The following GALNT6 variants were observed in gnomAD, a reference collection of about 807,000 sequenced individuals.
GALNT6 encodes the protein GalNAc transferase 6.
Under a neutral mutation model 65.9 loss-of-function variants are expected in GALNT6, and 51 were observed. That is an observed-to-expected ratio of 0.77 (90% CI 0.62 to 0.98). The LOEUF is 0.98. GALNT6 is among the 50% of genes least tolerant of loss of function. GALNT6 has a pLI of 0.00. For missense variants in GALNT6, 708 were observed against 803.3 expected, an observed-to-expected ratio of 0.88 and a Z score of 1.43; for synonymous variants, 323 against 315.1, an observed-to-expected ratio of 1.02 and a Z score of -0.26.
intron 4 of GALNT6, among the ~76,000 whole-genome samples, chr12:51,370,129 A>G (rs1407422681): frequency 6.6e-6 from 1 of 152,238 alleles, no homozygotes; most frequent in Admixed American, 6.5e-5. Context: ...TTTGCACACC[A>G]ATGTTCACAG....
intron 2 of GALNT6, among the ~76,000 whole-genome samples, chr12:51,381,827 A>G (rs1465520396): frequency 2.0e-5 from 3 of 152,272 alleles, no homozygotes; most frequent in African/African-American, 4.8e-5. Flanking sequence ...TATTATTATG[A>G]TAAATCCCTG....
At position 51,359,349 on chromosome 12, in the gene GALNT6, C is replaced by A; in HGVS notation, c.1168-17G>T. 13 of 1,575,228 alleles carry A rather than the reference C, an allele frequency of 8.3e-6. No individual in the cohort carries two copies. Among genetic ancestry groups the A allele is most frequent in the Non-Finnish European group, 1.1e-5 (13 of 1,152,108 alleles). On this transcript the variant is annotated splice_polypyrimidine_tract_variant and intron_variant, in intron 7 of 11. Transcript: ENST00000356317. ...CTGCCACACCTGATGTAAGAGGAGA[C>A]AGGATGAGGCCTTCAGTGGGCTAGG...
In GALNT6 at chr12:51,379,616, G is replaced by A. The variant is rs1402982187; in HGVS notation, c.166C>T (p.Leu56Phe). Residue 56 changes from leucine (L) to phenylalanine (F), a missense_variant, in exon 3 of 12, where the codon CTC becomes TTC. By Grantham distance (22) the Leu-to-Phe change is conservative (BLOSUM62 0). Transcript: ENST00000356317. ...LVSRKDHVLD[L>F]MLEAMNNLRD... ...AGGTTGTTCATGGCCTCCAGCATGA[G>A]GTCCAGGACGTGATCCTTCCGGCTC... 2 of 1,614,058 alleles carry A rather than the reference G, an allele frequency of 1.2e-6. No individual in the cohort carries two copies. The highest frequency in any genetic ancestry group is 1.7e-6 in the Non-Finnish European group (2 of 1,179,936).
chr12:51,390,504 T>C (rs1948032009), intron 2 of GALNT6, among the ~76,000 whole-genome samples: 1 of 152,188 alleles, frequency 6.6e-6, no homozygotes, highest in South Asian at 2.1e-4. Flanking sequence ...TGACCTGGTT[T>C]TCATCATCAC....
At chr12:51,374,900 A>G (rs575914528) in intron 4 of GALNT6, among the ~76,000 whole-genome samples, 1 of 152,324 alleles carries the variant, frequency 6.6e-6, no homozygotes, top group East Asian at 1.9e-4. Flanking sequence ...AACACTTTCA[A>G]CGACTCCTTC....
chr12:51,359,051 C>T (rs1051766626), intron 8 of GALNT6, 81 bp downstream of exon 8: 1 of 1,109,988 alleles, frequency 9.0e-7, no homozygotes, highest in Non-Finnish European at 1.4e-6. Context: ...TGAGGTGGGT[C>T]CCAGCCATTA....
intron 5 of GALNT6, among the ~76,000 whole-genome samples, chr12:51,364,816 T>C (rs1185858649): frequency 1.3e-5 from 2 of 152,246 alleles, no homozygotes; most frequent in African/African-American, 2.4e-5. Flanking sequence ...TCTGCACGTA[T>C]TATTACTTCA....
intron 2 of GALNT6, among the ~76,000 whole-genome samples, chr12:51,381,008 G>A (rs139024293): frequency 2.0e-5 from 3 of 152,260 alleles, no homozygotes; most frequent in Admixed American, 6.5e-5. Context: ...GGAGGCTGAG[G>A]TGGGAGGATC....
intron 2 of GALNT6, among the ~76,000 whole-genome samples, chr12:51,390,518 A>G (rs1948033373): frequency 6.6e-6 from 1 of 152,182 alleles, no homozygotes; most frequent in Admixed American, 6.5e-5. Flanking sequence ...TCATCACATG[A>G]ATTTCCCTGT....
At position 51,364,369 on chromosome 12, in the gene GALNT6, C is replaced by T. The variant is rs1947027701; in HGVS notation, c.815-14G>A. On this transcript the variant is annotated splice_polypyrimidine_tract_variant and intron_variant, in intron 5 of 11. Transcript: ENST00000356317. ...GGAAGCACTCACCTGCAGGCCCCAA[C>T]CAGGAGGCAGCAGTCAGGGCCCTGC... 6.3e-7 allele frequency: 1 copy of T among 1,589,428 alleles called. No homozygotes were observed. Among genetic ancestry groups the T allele is most frequent in the East Asian group, 2.2e-5 (1 of 44,712 alleles).
At chr12:51,379,129 A>G (rs1028902836) in intron 3 of GALNT6, among the ~76,000 whole-genome samples, 162 bp downstream of exon 3, 3 of 152,198 alleles carry the variant, frequency 2.0e-5, no homozygotes, top group African/African-American at 7.2e-5. Flanking sequence ...TGGGATCAGC[A>G]CAGTTGTTCT....
chr12:51,354,329 C>A lies in GALNT6; in HGVS notation c.*50G>T, dbSNP rs768603963. ...GATCAGGTTCCCAGACATCAGCAAT[C>A]CTGTTTCCTGAGGAGCTTGTGGGGG... On this transcript the variant is annotated 3_prime_UTR_variant, in exon 12 of 12. Coordinates refer to ENST00000356317, the MANE Select transcript of GALNT6 (RefSeq NM_007210.4). 1 of 1,035,280 alleles carries A rather than the reference C, an allele frequency of 9.7e-7. No homozygotes were observed. Among genetic ancestry groups the A allele is most frequent in the Non-Finnish European group, 1.4e-6 (1 of 709,520 alleles). The allele number at this position is 1,035,280 out of a possible 1,614,324, so 64.1% of individuals were successfully genotyped here.
chr12:51,389,678 C>T (rs969802140), intron 2 of GALNT6, among the ~76,000 whole-genome samples: 3 of 152,200 alleles, frequency 2.0e-5, no homozygotes, highest in African/African-American at 7.2e-5. Flanking sequence ...CACTGAGAGG[C>T]CCTCAGCCCT....
At chr12:51,361,363 G>T (rs1193348360) in intron 6 of GALNT6, among the ~76,000 whole-genome samples, 3 of 152,236 alleles carry the variant, frequency 2.0e-5, no homozygotes, top group African/African-American at 7.2e-5. Context: ...CAGGGCCCCT[G>T]CCCCTCAGGG....
chr12:51,379,463 G>A lies in GALNT6; in HGVS notation c.319C>T (p.Pro107Ser). ...AELKPFWERPPQDPNAPGADG... is the reference protein window; with the variant it reads ...AELKPFWERPSQDPNAPGADG... ...GCCCCAGGGGCATTGGGGTCCTGTG[G>A]TGGCCGTTCCCAGAAGGGCTTCAGT... The change falls in exon 3 of 12, where the codon CCA becomes TCA. Residue 107 changes from proline (P) to serine (S), a missense_variant. Pro to Ser is a moderately conservative substitution (Grantham distance 74). Transcript: ENST00000356317. The A allele has an allele frequency of 6.2e-7, 1 of 1,614,172 alleles. No homozygotes were observed. The highest frequency in any genetic ancestry group is 8.5e-7 in the Non-Finnish European group (1 of 1,179,996).
intron 3 of GALNT6, among the ~76,000 whole-genome samples, chr12:51,379,051 T>C (rs1020105637): frequency 5.9e-5 from 9 of 152,208 alleles, no homozygotes; most frequent in African/African-American, 1.9e-4. Context: ...ACTTTCATAA[T>C]TGCATTTCAC....
At chr12:51,385,599 C>T (rs1370135046) in intron 2 of GALNT6, among the ~76,000 whole-genome samples, 1 of 152,128 alleles carries the variant, frequency 6.6e-6, no homozygotes, top group Non-Finnish European at 1.5e-5. Flanking sequence ...GTGACACAGT[C>T]CAAACCCCAC....
chr12:51,377,109 G>A, intron 4 of GALNT6, 86 bp downstream of exon 4: 1 of 1,151,726 alleles, frequency 8.7e-7, no homozygotes, highest in South Asian at 1.3e-5. Context: ...ATGAGGTGGT[G>A]CCTGCTCCCT....
chr12:51,367,252 C>T lies in GALNT6; in HGVS notation c.665-1673G>A, dbSNP rs145664308. The stretch of plus-strand genomic sequence containing the variant: ...AGCCTGGGCAACAAGAGCGAAACTC[C>T]GTCTCAAAAAAACCAAAAACAAACA... On this transcript the variant is annotated intron_variant, in intron 4 of 11. Transcript: ENST00000356317. Among the ~76,000 whole-genome samples the T allele has an allele frequency of 1.6e-3, 240 of 151,526 alleles. 1 individual carries two copies. The highest frequency in any genetic ancestry group is 5.5e-3 in the African/African-American group (226 of 41,218).
Sources: allele counts gnomAD v4.1 joint callset (sites outside exome capture counted in the v4.1 genomes callset), GRCh38; gene constraint gnomAD v4.1.1; transcripts MANE v1.5; gene names NCBI Gene and HGNC (gene_info 2026-07-23, HGNC 2026-07-21).